NLGN1: variants seen among roughly 807,000 people sequenced by gnomAD.
NLGN1 encodes the protein neuroligin-1.
NLGN1 carries 12 observed loss-of-function variants against 65.5 expected under a neutral mutation model. The ratio of observed to expected loss-of-function variants is 0.18; its 90% CI spans 0.12 to 0.30. The LOEUF (loss-of-function observed/expected upper bound fraction) is 0.30, where lower values mean the gene tolerates loss of function less well. Among genes scored for constraint, NLGN1 ranks in the 10% least tolerant of loss-of-function variants. The pLI, the probability that NLGN1 is intolerant of heterozygous loss-of-function variation, is 1.00. For synonymous variants in NLGN1, 350 were observed against 359.5 expected, an observed-to-expected ratio of 0.97 and a Z score of 0.30; for missense variants, 750 against 1,007.1, an observed-to-expected ratio of 0.74 and a Z score of 3.46.
chr3:174,164,022 G>A (rs1219298144), intron 4 of NLGN1, among the ~76,000 whole-genome samples: 1 of 152,008 alleles, frequency 6.6e-6, no homozygotes, highest in African/African-American at 2.4e-5. Flanking sequence ...GCTTTTCACA[G>A]TAGCTGAACT....
chr3:173,821,761 A>G (rs540878421), intron 4 of NLGN1, among the ~76,000 whole-genome samples: 2 of 152,286 alleles, frequency 1.3e-5, no homozygotes, highest in East Asian at 3.9e-4. Flanking sequence ...CATCTATATG[A>G]GAAAAATCTA....
intron 4 of NLGN1, among the ~76,000 whole-genome samples, chr3:173,865,751 G>A (rs753442899): frequency 2.6e-5 from 4 of 152,062 alleles, no homozygotes; most frequent in African/African-American, 9.7e-5. Context: ...GTAGTTATTT[G>A]ACATTATTTA....
chr3:174,187,689 G>A (rs918839028), intron 4 of NLGN1, among the ~76,000 whole-genome samples: 1 of 151,990 alleles, frequency 6.6e-6, no homozygotes, highest in Non-Finnish European at 1.5e-5. Context: ...TATGTTTATT[G>A]AAACATTGTC....
At chr3:173,798,878 C>G (rs1291791311) in intron 3 of NLGN1, among the ~76,000 whole-genome samples, 1 of 151,882 alleles carries the variant, frequency 6.6e-6, no homozygotes, top group Admixed American at 6.6e-5. Context: ...TGAAACATAA[C>G]TGTATTATAT....
At chr3:173,838,321 A>G (rs1724066759) in intron 4 of NLGN1, among the ~76,000 whole-genome samples, 1 of 152,152 alleles carries the variant, frequency 6.6e-6, no homozygotes, top group South Asian at 2.1e-4. Flanking sequence ...TAGATATGAT[A>G]ACCAAATTTT....
intron 4 of NLGN1, among the ~76,000 whole-genome samples, chr3:173,977,560 T>A (rs370732993): frequency 1.1e-4 from 16 of 151,948 alleles, no homozygotes; most frequent in African/African-American, 3.1e-4. Context: ...AATTAACAAT[T>A]TTTATACTAG....
At chr3:173,551,622 A>G (rs746876325) in intron 2 of NLGN1, among the ~76,000 whole-genome samples, 1 of 152,174 alleles carries the variant, frequency 6.6e-6, no homozygotes, top group Non-Finnish European at 1.5e-5. Flanking sequence ...AATTTTAAGG[A>G]TTATTATAAT....
At chr3:173,664,285 T>C (rs1235822105) in intron 3 of NLGN1, among the ~76,000 whole-genome samples, 1 of 152,034 alleles carries the variant, frequency 6.6e-6, no homozygotes, top group African/African-American at 2.4e-5. Flanking sequence ...TTTAAAAAAA[T>C]TCAAATGGTT....
chr3:174,283,311 G>A (rs933891461), exon 7 of NLGN1: 1 of 151,304 alleles, frequency 6.6e-6, no homozygotes, highest in Non-Finnish European at 1.5e-5. Context: ...TTTAATGTTT[G>A]TTATGAATTT....
At chr3:174,040,800 T>C (rs776409541) in intron 4 of NLGN1, among the ~76,000 whole-genome samples, 2 of 152,160 alleles carry the variant, frequency 1.3e-5, no homozygotes, top group Non-Finnish European at 2.9e-5. Flanking sequence ...AATGTTCATA[T>C]ATCTATCACC....
intron 5 of NLGN1, 148 bp from the exon 6 acceptor site, chr3:174,278,713 T>G: frequency 1.7e-6 from 1 of 600,648 alleles, no homozygotes. Context: ...GTTGGCTTTG[T>G]GTACTTCCCT....
chr3:173,590,389 A>G (rs1171216390), intron 2 of NLGN1, among the ~76,000 whole-genome samples: 34 of 152,188 alleles, frequency 2.2e-4, no homozygotes, highest in Admixed American at 1.2e-3. Context: ...ATTGATGCCA[A>G]AAGTCCCTGT....
At chr3:173,713,326 T>C (rs1769304148) in intron 3 of NLGN1, among the ~76,000 whole-genome samples, 1 of 152,130 alleles carries the variant, frequency 6.6e-6, no homozygotes, top group African/African-American at 2.4e-5. Context: ...TTATTTGGGT[T>C]TACAAATTAC....
intron 3 of NLGN1, among the ~76,000 whole-genome samples, chr3:173,733,268 T>C (rs1773156935): frequency 6.6e-6 from 1 of 152,270 alleles, no homozygotes; most frequent in Admixed American, 6.6e-5. Flanking sequence ...TAGATATTTT[T>C]TTGAAAATCT....
intron 3 of NLGN1, among the ~76,000 whole-genome samples, chr3:173,720,525 T>C (rs1435909925): frequency 6.6e-6 from 1 of 152,170 alleles, no homozygotes; most frequent in Non-Finnish European, 1.5e-5. Flanking sequence ...ATATATTAAA[T>C]GAGAAGGTGG....
At chr3:174,115,817 C>A (rs1380682148) in intron 4 of NLGN1, among the ~76,000 whole-genome samples, 5 of 152,154 alleles carry the variant, frequency 3.3e-5, no homozygotes, top group African/African-American at 1.2e-4. Context: ...TGTCATTTAA[C>A]TCCTCTGAGC....
At chr3:173,656,056 G>A (rs921452285) in intron 3 of NLGN1, among the ~76,000 whole-genome samples, 3 of 152,080 alleles carry the variant, frequency 2.0e-5, no homozygotes, top group South Asian at 2.1e-4. Flanking sequence ...GTTACTTGAT[G>A]TACACCCTAT....
chr3:174,149,795 G>A (rs1723994446), intron 4 of NLGN1, among the ~76,000 whole-genome samples: 1 of 152,076 alleles, frequency 6.6e-6, no homozygotes, highest in African/African-American at 2.4e-5. Flanking sequence ...TAGAAAACCT[G>A]GATAAGCACA....
intron 2 of NLGN1, among the ~76,000 whole-genome samples, chr3:173,591,098 G>A (rs1748403068): frequency 6.6e-6 from 1 of 151,996 alleles, no homozygotes; most frequent in African/African-American, 2.4e-5. Flanking sequence ...TTTCCATTTT[G>A]TAAAACTTTA....
Sources: gnomAD v4.1 joint callset for allele counts (sites outside exome capture counted in the v4.1 genomes callset) on GRCh38, gnomAD v4.1.1 for gene constraint, MANE v1.5 for transcripts, NCBI Gene and HGNC (gene_info 2026-07-23, HGNC 2026-07-21) for gene names.